Variants in KLHL17 observed in about 807,000 individuals in gnomAD.
The protein encoded by KLHL17 is kelch like family member 17.
KLHL17 carries 71 observed loss-of-function variants against 64.6 expected under a neutral mutation model. The observed-to-expected ratio is 1.10, with a 90% CI of 0.91 to 1.34. KLHL17 has a LOEUF of 1.34. Ranked by LOEUF, KLHL17 falls within the 40% of genes most tolerant of loss-of-function variation. The pLI is 0.00. For synonymous variants in KLHL17, 612 were observed against 405.4 expected (o/e 1.51, Z -6.12); for missense variants, 1,140 against 935.0 (o/e 1.22, Z -2.86).
At position 963,521 on chromosome 1, in the gene KLHL17, C is replaced by A. The variant is rs752814994; in HGVS notation, c.1355+17C>A. The A allele has an allele frequency of 1.3e-6, 2 of 1,597,202 alleles. No homozygotes were observed. The highest frequency in any genetic ancestry group is 1.3e-5 in the African/African-American group (1 of 74,740). On this transcript the variant is annotated intron_variant, in intron 8 of 11. Transcript: ENST00000338591. The stretch of plus-strand genomic sequence containing the variant: ...CCTGAACAGGTAGTTGGGGTTGGGG[C>A]CCCAGTGGCTTTGTACAGTCCATCT...
Position 963,512 on chromosome 1 carries a change from G to T in KLHL17, c.1355+8G>T, listed in dbSNP as rs944830572. ...GGCCTCCTGCCTGAACAGGTAGTTG[G>T]GGTTGGGGCCCCAGTGGCTTTGTAC... On this transcript the variant is annotated splice_region_variant and intron_variant, in intron 8 of 11. Transcript: ENST00000338591. The T allele has an allele frequency of 1.2e-6, 2 of 1,601,750 alleles. No homozygotes were observed. The highest frequency in any genetic ancestry group is 1.7e-5 in the Admixed American group (1 of 59,108).
At position 961,738 on chromosome 1, in the gene KLHL17, G is replaced by A. The variant is rs376184991; in HGVS notation, c.477G>A (p.Glu159=). 84 of 1,611,816 alleles carry A rather than the reference G, an allele frequency of 5.2e-5. No individual in the cohort carries two copies. Among genetic ancestry groups the A allele is most frequent in the Non-Finnish European group, 6.4e-5 (76 of 1,179,480 alleles). The change falls in exon 3 of 12, where the codon GAG becomes GAA. Residue 159 remains glutamate, a synonymous_variant. Coordinates refer to ENST00000338591, the MANE Select transcript of KLHL17 (RefSeq NM_198317.3). ...FAYTAEIVVG[E]GNVQTLLPAA... ...ACACGGCTGAGATTGTGGTGGGCGA[G>A]GGCAATGTGCAGGTGAGGGCTCCCT...
Position 961,744 on chromosome 1 carries a change from TG to T in KLHL17, c.484del (p.Val162CysfsTer13), listed in dbSNP as rs1642662058. On this transcript the variant is annotated frameshift_variant, in exon 3 of 12. Transcript: ENST00000338591. LOFTEE classifies it high-confidence loss of function. Reference sequence around the variant, plus strand: ...CTGAGATTGTGGTGGGCGAGGGCAATGTGCAGGTGAGGGCTCCCTCACCCGG... The same window carrying T: ...CTGAGATTGTGGTGGGCGAGGGCAATTGCAGGTGAGGGCTCCCTCACCCGG... ...TAEIVVGEGN[V>X]QTLLPAASLL... 1.9e-6 allele frequency: 3 copies of T among 1,611,910 alleles called. No individual in the cohort carries two copies. The highest frequency in any genetic ancestry group is 3.3e-5 in the Admixed American group (2 of 59,864).
At position 964,295 on chromosome 1, in the gene KLHL17, C is replaced by T. The variant is rs1400199746; in HGVS notation, c.1519-54C>T. ...CCCCACCCTGGAGTCGGGGCTGCGG[C>T]AGAGGAGGGATGCCAGTGGCGGGTC... On this transcript the variant is annotated intron_variant, in intron 10 of 11. Transcript: ENST00000338591. 3.8e-6 allele frequency: 6 copies of T among 1,581,598 alleles called. No individual in the cohort carries two copies. In the South Asian group the frequency reaches 5.6e-5, roughly 15 times the overall value.
rs1290176652 is a variant in KLHL17, at chr1:963,264, AGGCTGGACTTGGGTCGG to A, written c.1187+13_1187+29del. On this transcript the variant is annotated intron_variant, in intron 7 of 11. Transcript: ENST00000338591. ...CTATGCTGTGGGCGGGTAAGCCTGG[AGGCTGGACTTGGGTCGG>A]GTCTGGCACGTGCCCGCCAGGCCAG... is the stretch of plus-strand genomic sequence containing the variant. The A allele has an allele frequency of 6.3e-7, 1 of 1,599,218 alleles. No individual in the cohort carries two copies. The highest frequency in any genetic ancestry group is 1.7e-5 in the Admixed American group (1 of 59,632).
rs1228115662 is a variant in KLHL17, at chr1:964,476, G to A, written c.1646G>A (p.Arg549Lys). 1 of 1,543,010 alleles carries A rather than the reference G, an allele frequency of 6.5e-7. No homozygotes were observed. Among genetic ancestry groups the A allele is most frequent in the East Asian group, 2.5e-5 (1 of 40,778 alleles). ...DGTSCLNSVE[R>K]YSPKAGAWES... ...ACCAGCTGCCTCAACTCGGTAGAGA[G>A]ATACAGTCCAAAGGCTGGAGCCTGG... Residue 549 changes from arginine (R) to lysine (K), a missense_variant, in exon 11 of 12, where the codon AGA becomes AAA. Coordinates refer to ENST00000338591, the MANE Select transcript of KLHL17 (RefSeq NM_198317.3).
chr1:963,920 T>G lies in KLHL17; in HGVS notation c.1356T>G (p.Ser452Arg). The G allele has an allele frequency of 6.2e-7, 1 of 1,612,212 alleles. No individual in the cohort carries two copies. Among genetic ancestry groups the G allele is most frequent in the Non-Finnish European group, 8.5e-7 (1 of 1,179,850 alleles). The change falls in exon 9 of 12, where the codon AGT (serine) becomes AGG (arginine). Residue 452 changes from serine to arginine, a missense_variant and splice_region_variant. Ser to Arg is a moderately radical substitution (Grantham distance 110). Coordinates refer to ENST00000338591, the MANE Select transcript of KLHL17 (RefSeq NM_198317.3). ...GGYDGASCLN[S>R]AERYDPLTGT... ...GTGGCTGCGGTCCTGGTGCCCACAG[T>G]GCTGAACGCTACGACCCCCTGACCG...
rs574461422 is a variant in KLHL17, at chr1:963,558, G to C, written c.1355+54G>C. The C allele has an allele frequency of 3.9e-6, 6 of 1,540,032 alleles. No homozygotes were observed. In the Admixed American group the frequency reaches 5.8e-5, roughly 15 times the overall value. On this transcript the variant is annotated intron_variant, in intron 8 of 11. Transcript: ENST00000338591. Reference sequence around the variant, plus strand: ...TGTACAGTCCATCTGCAAGAGGCAAGTTTGTGTCACCATCACAGGGGTCGT... The same window carrying C: ...TGTACAGTCCATCTGCAAGAGGCAACTTTGTGTCACCATCACAGGGGTCGT...
chr1:964,361 T>G lies in KLHL17; in HGVS notation c.1531T>G (p.Ser511Ala). The part of the protein sequence containing the change: ...EKYEPQVNVW[S>A]PVASMLSRRS... The stretch of plus-strand genomic sequence containing the variant: ...CCCTCGCCCCCAGGTGAACGTGTGG[T>G]CGCCCGTGGCGTCCATGCTGAGCCG... Residue 511 changes from serine to alanine, a missense_variant, in exon 11 of 12, where the codon TCG becomes GCG. Coordinates refer to ENST00000338591, the MANE Select transcript of KLHL17 (RefSeq NM_198317.3). The G allele has an allele frequency of 6.4e-7, 1 of 1,553,542 alleles. No individual in the cohort carries two copies.
At chr1:962,674 C>T (rs565678639) in intron 5 of KLHL17, 30 bp from the exon 6 acceptor site, 12 of 1,561,482 alleles carry the variant, frequency 7.7e-6, no homozygotes, top group Middle Eastern at 2.2e-4. Flanking sequence ...CCGAGGGTCC[C>T]GCCTGACCTT....
At chr1:962,563 G>A in intron 5 of KLHL17, 92 bp downstream of exon 5, 1 of 1,548,512 alleles carries the variant, frequency 6.5e-7, no homozygotes, top group Non-Finnish European at 8.7e-7. Flanking sequence ...CCGAGTTCAG[G>A]GACTCCGTGG....
chr1:961,443 C>T lies in KLHL17; in HGVS notation c.258C>T (p.Arg86=), dbSNP rs755085659. 1.2e-6 allele frequency: 2 copies of T among 1,612,290 alleles called. No individual in the cohort carries two copies. The highest frequency in any genetic ancestry group is 4.5e-5 in the East Asian group (2 of 44,872). ...HDAFVAMSRM[R]QRGLLCDIVL... Reference sequence around the variant, plus strand: ...CCTTCGTGGCCATGAGCCGCATGCGCCAGCGCGGCCTCCTGTGCGACATCG... The same window carrying T: ...CCTTCGTGGCCATGAGCCGCATGCGTCAGCGCGGCCTCCTGTGCGACATCG... Residue 86 remains arginine (R), a synonymous_variant, in exon 2 of 12, where the codon CGC becomes CGT. Coordinates refer to ENST00000338591, the MANE Select transcript of KLHL17 (RefSeq NM_198317.3).
chr1:961,929 G>C lies in KLHL17; in HGVS notation c.593G>C (p.Arg198Pro), dbSNP rs373820131. ...GACCCCTCCAACTGCCTGGGTATCC[G>C]GGGCTTTGCCGATGCGCACTCCTGC... ...QLDPSNCLGI[R>P]GFADAHSCSD... is the part of the protein sequence containing the mutation. The change falls in exon 4 of 12, where the codon CGG (arginine) becomes CCG (proline). Residue 198 changes from arginine to proline, a missense_variant. Arg to Pro is a moderately radical substitution (Grantham distance 103). Transcript: ENST00000338591. The C allele has an allele frequency of 5.6e-6, 9 of 1,612,878 alleles. No homozygotes were observed. The Admixed American group carries it at 6.7e-5, about 12-fold the overall frequency.
rs2100409799 is a variant in KLHL17 at position 960,637 on chromosome 1, T to C, written c.-57T>C. On this transcript the variant is annotated 5_prime_UTR_variant, in exon 1 of 12. Transcript: ENST00000338591. ...ACCGCCGAGCAGCCCTCCGGCAGTC[T>C]CCGCGTCCGTTAAGCCCGCGGGTCC... is the stretch of plus-strand genomic sequence containing the variant. 7.8e-7 allele frequency: 1 copy of C among 1,287,644 alleles called. No homozygotes were observed. The highest frequency in any genetic ancestry group is 9.9e-7 in the Non-Finnish European group (1 of 1,008,778). 79.8% of individuals were successfully genotyped at this position (1,287,644 alleles called of 1,614,324 possible). A position where few individuals can be genotyped will look rare whatever the true frequency, so the allele number is the denominator to read the frequency against.
rs955023210 is a variant in KLHL17 at position 962,865 on chromosome 1, C to T, written c.990C>T (p.Ser330=). 13 of 1,587,068 alleles carry T rather than the reference C, an allele frequency of 8.2e-6. No homozygotes were observed. In the Admixed American group the frequency reaches 1.1e-4, roughly 13 times the overall value. Residue 330 remains serine, a synonymous_variant, in exon 6 of 12, where the codon AGC becomes AGT. Coordinates refer to ENST00000338591, the MANE Select transcript of KLHL17 (RefSeq NM_198317.3). ...AGCAGAGGGGCGTCCTAGGCACCAG[C>T]CGCACACGTCCCCGGCGCTGCGAGG... ...LPEQRGVLGT[S]RTRPRRCEGA... is the part of the protein sequence containing the mutation.
rs995348870 is a variant in KLHL17 at position 963,202 on chromosome 1, G to C, written c.1136G>C (p.Arg379Pro). Reference protein sequence around the residue: ...WHVVASMSTRRARVGVAAVGN... With the variant: ...WHVVASMSTRPARVGVAAVGN... Reference sequence around the variant, plus strand: ...GTGGTGGCCTCCATGTCCACGCGCCGGGCCCGGGTGGGAGTGGCTGCGGTG... The same window carrying C: ...GTGGTGGCCTCCATGTCCACGCGCCCGGCCCGGGTGGGAGTGGCTGCGGTG... Residue 379 changes from arginine to proline, a missense_variant, in exon 7 of 12, where the codon CGG becomes CCG. Transcript: ENST00000338591. The C allele has an allele frequency of 6.2e-7, 1 of 1,607,878 alleles. No homozygotes were observed. Among genetic ancestry groups the C allele is most frequent in the East Asian group, 2.2e-5 (1 of 44,722 alleles).
At chr1:962,680 A>C in intron 5 of KLHL17, 24 bp from the exon 6 acceptor site, 1 of 1,567,376 alleles carries the variant, frequency 6.4e-7, no homozygotes, top group Non-Finnish European at 8.6e-7. Context: ...GTCCCGCCTG[A>C]CCTTGGCGTT....
Position 961,378 on chromosome 1 carries a change from C to T in KLHL17, c.193C>T (p.His65Tyr), listed in dbSNP as rs1178661307. The T allele has an allele frequency of 4.4e-6, 7 of 1,602,768 alleles. No individual in the cohort carries two copies. The highest frequency in any genetic ancestry group is 6.0e-6 in the Non-Finnish European group (7 of 1,176,418). ...GAVQLLSREG[H>Y]SVAHNSKRHY... Reference sequence around the variant, plus strand: ...CGTGCAGCTGCTGAGCCGCGAGGGCCACAGCGTGGCCCACAACTCCAAGCG... The same window carrying T: ...CGTGCAGCTGCTGAGCCGCGAGGGCTACAGCGTGGCCCACAACTCCAAGCG... The change falls in exon 2 of 12, where the codon CAC (histidine) becomes TAC (tyrosine). Residue 65 changes from histidine to tyrosine, a missense_variant. Coordinates refer to ENST00000338591, the MANE Select transcript of KLHL17 (RefSeq NM_198317.3).
chr1:961,799 C>T (rs1471617260), intron 3 of KLHL17, 27 bp from the exon 4 acceptor site: 9 of 1,610,818 alleles, frequency 5.6e-6, no homozygotes, highest in African/African-American at 4.0e-5. Context: ...CCTGTGCCTC[C>T]CTCACCTGCC....
Sources: allele counts gnomAD v4.1 joint callset, GRCh38; gene constraint gnomAD v4.1.1; transcripts MANE v1.5; gene names NCBI Gene and HGNC (gene_info 2026-07-23, HGNC 2026-07-21).